Variants in RABGAP1L observed in about 807,000 individuals in gnomAD.
RABGAP1L encodes the protein rab GTPase-activating protein 1-like.
Under a neutral mutation model 137.7 loss-of-function variants are expected in RABGAP1L, and 63 were observed. That is an observed-to-expected ratio of 0.46 (90% CI 0.37 to 0.56). The LOEUF (loss-of-function observed/expected upper bound fraction) is 0.56. Ranked by LOEUF, RABGAP1L falls within the 20% of genes least tolerant of loss-of-function variation. RABGAP1L has a pLI of 0.00. For missense variants in RABGAP1L, 1,095 were observed against 1,244.0 expected (o/e 0.88, Z 1.80); for synonymous variants, 431 against 433.7 (o/e 0.99, Z 0.08).
chr1:174,369,828 C>T (rs1007615366), intron 11 of RABGAP1L, among the ~76,000 whole-genome samples: 2 of 152,096 alleles, frequency 1.3e-5, no homozygotes, highest in Non-Finnish European at 2.9e-5. Context: ...TCACTTTTTG[C>T]ATTAAATGTC....
chr1:174,987,269 C>T (rs1671671934), intron 24 of RABGAP1L, among the ~76,000 whole-genome samples: 1 of 152,064 alleles, frequency 6.6e-6, no homozygotes, highest in Non-Finnish European at 1.5e-5. Context: ...CGGGTTCACG[C>T]CATTCTTCTG....
At chr1:174,161,464 T>A (rs1664449684) in intron 1 of RABGAP1L, among the ~76,000 whole-genome samples, 1 of 152,144 alleles carries the variant, frequency 6.6e-6, no homozygotes, top group African/African-American at 2.4e-5. Context: ...CTGGTGGAAC[T>A]GCTGACCTCA....
At chr1:174,941,306 T>C (rs899490909) in intron 19 of RABGAP1L, among the ~76,000 whole-genome samples, 7 of 152,158 alleles carry the variant, frequency 4.6e-5, no homozygotes, top group African/African-American at 1.7e-4. Flanking sequence ...AGGGAATACA[T>C]AGTGTAAGGG....
intron 13 of RABGAP1L, among the ~76,000 whole-genome samples, chr1:174,581,274 G>A (rs966392046): frequency 1.3e-5 from 2 of 152,106 alleles, no homozygotes; most frequent in Non-Finnish European, 2.9e-5. Context: ...CAACCAAAAT[G>A]TTCATAAAGT....
intron 19 of RABGAP1L, among the ~76,000 whole-genome samples, chr1:174,938,774 A>G (rs897275651): frequency 1.3e-5 from 2 of 152,248 alleles, no homozygotes; most frequent in Non-Finnish European, 2.9e-5. Flanking sequence ...TTCAGCTGCC[A>G]GAGGTCTTTC....
At chr1:174,611,771 C>A (rs558300245) in intron 13 of RABGAP1L, among the ~76,000 whole-genome samples, 2 of 152,124 alleles carry the variant, frequency 1.3e-5, no homozygotes, top group African/African-American at 4.8e-5. Context: ...AGGTCCTTCA[C>A]GTCCCTTTTA....
intron 10 of RABGAP1L, among the ~76,000 whole-genome samples, chr1:174,282,228 T>C (rs2148690348): frequency 6.6e-6 from 1 of 152,356 alleles, no homozygotes; most frequent in African/African-American, 2.4e-5. Flanking sequence ...TTTTCTACAG[T>C]GCTTGACCAC....
intron 19 of RABGAP1L, among the ~76,000 whole-genome samples, chr1:174,882,839 T>C (rs1409877649): frequency 1.3e-5 from 2 of 152,166 alleles, no homozygotes; most frequent in Non-Finnish European, 2.9e-5. Context: ...GCTTTTTTTT[T>C]TTTGGAGACA....
At chr1:174,462,880 A>G (rs2149285687) in intron 13 of RABGAP1L, among the ~76,000 whole-genome samples, 1 of 152,340 alleles carries the variant, frequency 6.6e-6, no homozygotes, top group Admixed American at 6.5e-5. Flanking sequence ...TCAAAAGAAG[A>G]CATTTGTGCA....
chr1:174,756,656 A>C (rs1813136), intron 18 of RABGAP1L, among the ~76,000 whole-genome samples: 32,311 of 152,046 alleles, frequency 0.21, 3,736 homozygotes, highest in Admixed American at 0.25. Context: ...GGAAAAAGGA[A>C]GGCGGAGGCA....
chr1:174,476,287 A>G (rs1658497731), intron 13 of RABGAP1L, among the ~76,000 whole-genome samples: 1 of 152,158 alleles, frequency 6.6e-6, no homozygotes, highest in South Asian at 2.1e-4. Context: ...AATTTTGTTA[A>G]TAAGATTTTA....
intron 17 of RABGAP1L, among the ~76,000 whole-genome samples, chr1:174,715,779 T>G (rs1265017678): frequency 6.6e-6 from 1 of 152,132 alleles, no homozygotes; most frequent in Non-Finnish European, 1.5e-5. Context: ...TCATTTTGGG[T>G]CTTTCAGTCC....
chr1:174,529,731 C>A (rs1664225138), intron 13 of RABGAP1L, among the ~76,000 whole-genome samples: 1 of 152,122 alleles, frequency 6.6e-6, no homozygotes, highest in Non-Finnish European at 1.5e-5. Flanking sequence ...AATGGCGGGA[C>A]AACCCTCTGG....
chr1:174,355,328 C>T (rs1365131462), intron 11 of RABGAP1L, among the ~76,000 whole-genome samples: 2 of 151,630 alleles, frequency 1.3e-5, no homozygotes, highest in Admixed American at 1.3e-4. Context: ...ATGGATGAAA[C>T]TGGAAACCAT....
intron 13 of RABGAP1L, among the ~76,000 whole-genome samples, chr1:174,500,830 C>T (rs1661191142): frequency 1.3e-5 from 2 of 152,086 alleles, no homozygotes; most frequent in Admixed American, 6.5e-5. Context: ...ACTCAGTGCT[C>T]ATGAGGACAT....
intron 19 of RABGAP1L, among the ~76,000 whole-genome samples, chr1:174,923,267 T>C (rs1277700633): frequency 6.6e-6 from 1 of 152,202 alleles, no homozygotes; most frequent in African/African-American, 2.4e-5. Context: ...TAGTCATTAT[T>C]ATCATTACCA....
chr1:174,376,758 A>G (rs561269116), intron 12 of RABGAP1L, among the ~76,000 whole-genome samples: 2 of 152,200 alleles, frequency 1.3e-5, no homozygotes, highest in South Asian at 4.1e-4. Flanking sequence ...GCTAACATCT[A>G]ACTTAAGAAT....
At chr1:174,815,090 G>C (rs1159653225) in intron 19 of RABGAP1L, among the ~76,000 whole-genome samples, 2 of 152,112 alleles carry the variant, frequency 1.3e-5, no homozygotes, top group Non-Finnish European at 2.9e-5. Flanking sequence ...TTTTACAATA[G>C]CTTGTAGTTT....
At chr1:174,850,229 C>G (rs1335771431) in intron 19 of RABGAP1L, 1 of 284,048 alleles carries the variant, frequency 3.5e-6, no homozygotes, top group Non-Finnish European at 6.9e-6. Flanking sequence ...TGCAGGAAAC[C>G]TCCGGGGTAC....
Sources: allele counts gnomAD v4.1 joint callset (sites outside exome capture counted in the v4.1 genomes callset), GRCh38; gene constraint gnomAD v4.1.1; transcripts MANE v1.5; gene names NCBI Gene and HGNC (gene_info 2026-07-23, HGNC 2026-07-21).